PCDH9: variants seen among roughly 807,000 people sequenced by gnomAD.
The protein encoded by PCDH9 is protocadherin 9.
PCDH9 carries 24 observed loss-of-function variants against 70.6 expected under a neutral mutation model. The observed-to-expected ratio is 0.34, with a 90% confidence interval of 0.25 to 0.48. The LOEUF is 0.48. Among genes scored for constraint, PCDH9 ranks in the 20% least tolerant of loss-of-function variants. The pLI, the probability that PCDH9 is intolerant of heterozygous loss-of-function variation, is 0.99. For synonymous variants in PCDH9, 562 were observed against 558.5 expected, an observed-to-expected ratio of 1.01 and a Z score of -0.09; for missense variants, 1,281 against 1,503.6, an observed-to-expected ratio of 0.85 and a Z score of 2.45.
At chr13:67,216,620 T>C (rs2089607628) in intron 2 of PCDH9, 1 of 145,974 alleles carries the variant, frequency 6.9e-6, no homozygotes, top group African/African-American at 2.5e-5. Flanking sequence ...ATGAATTTAC[T>C]ATTTCTAGCA....
At chr13:66,500,650 A>T (rs1491000525) in intron 4 of PCDH9, among the ~76,000 whole-genome samples, 1 of 152,246 alleles carries the variant, frequency 6.6e-6, no homozygotes, top group East Asian at 1.9e-4. Context: ...TATTATGAAA[A>T]TTATAACTTT....
chr13:66,754,368 A>G (rs2079508324), intron 3 of PCDH9, among the ~76,000 whole-genome samples: 1 of 152,186 alleles, frequency 6.6e-6, no homozygotes, highest in Non-Finnish European at 1.5e-5. Context: ...CCAGAATTTA[A>G]AGTATAACAA....
chr13:66,715,443 T>A (rs976967098), intron 3 of PCDH9, among the ~76,000 whole-genome samples: 1 of 152,120 alleles, frequency 6.6e-6, no homozygotes, highest in Non-Finnish European at 1.5e-5. Context: ...CATGCAATAA[T>A]GAGATATTTG....
chr13:66,740,710 C>A (rs200160748), intron 3 of PCDH9, among the ~76,000 whole-genome samples: 42,350 of 151,720 alleles, frequency 0.28, 6,419 homozygotes, highest in East Asian at 0.44. Context: ...ATACTACAAA[C>A]AACTCTATGC....
At chr13:66,686,648 T>C (rs944320855) in intron 3 of PCDH9, among the ~76,000 whole-genome samples, 1 of 152,186 alleles carries the variant, frequency 6.6e-6, no homozygotes, top group Admixed American at 6.5e-5. Context: ...TAAAAGTGTA[T>C]AATATTAGTC....
chr13:66,759,552 T>C (rs982377756), intron 3 of PCDH9, among the ~76,000 whole-genome samples: 3 of 152,110 alleles, frequency 2.0e-5, no homozygotes, highest in Non-Finnish European at 2.9e-5. Context: ...ATTTTAGAGA[T>C]CTTTTTTCTT....
chr13:66,901,251 T>C lies in PCDH9; in HGVS notation c.3138+2253A>G, dbSNP rs547372063. Among the ~76,000 whole-genome samples the C allele has an allele frequency of 1.5e-3, 233 of 151,918 alleles. 1 individual carries two copies. The highest frequency in any genetic ancestry group is 4.8e-3 in the South Asian group (23 of 4,826). On this transcript the variant is annotated intron_variant, in intron 3 of 4. Coordinates refer to ENST00000377865, the MANE Select transcript of PCDH9 (RefSeq NM_203487.3). ...AAATGTATTATGATCAAAAACAGTTTAGACTAACCAAGGACAAAATGTGAA... is the reference window on the plus strand; with the variant it reads ...AAATGTATTATGATCAAAAACAGTTCAGACTAACCAAGGACAAAATGTGAA...
intron 2 of PCDH9, among the ~76,000 whole-genome samples, chr13:66,967,147 C>T (rs192290012): frequency 1.6e-3 from 238 of 151,912 alleles, no homozygotes; most frequent in African/African-American, 5.5e-3. Context: ...AGACAGATTC[C>T]AAGTTATGTT....
intron 3 of PCDH9, among the ~76,000 whole-genome samples, chr13:66,780,063 T>C (rs2079973191): frequency 1.3e-5 from 2 of 151,854 alleles, no homozygotes; most frequent in Non-Finnish European, 2.9e-5. Context: ...AAAATTGTAC[T>C]GTGTATGGGA....
intron 4 of PCDH9, among the ~76,000 whole-genome samples, chr13:66,607,740 G>A (rs2077239168): frequency 6.6e-6 from 1 of 152,058 alleles, no homozygotes; most frequent in Admixed American, 6.6e-5. Flanking sequence ...TGTGCAGAGT[G>A]TTGGCTACAG....
chr13:66,928,405 G>T (rs566243267), intron 2 of PCDH9, among the ~76,000 whole-genome samples: 1 of 152,044 alleles, frequency 6.6e-6, no homozygotes, highest in South Asian at 2.1e-4. Context: ...TACACAAGGT[G>T]GATAGTATTA....
chr13:67,065,466 C>G (rs980663536), intron 2 of PCDH9, among the ~76,000 whole-genome samples: 1 of 151,984 alleles, frequency 6.6e-6, no homozygotes, highest in African/African-American at 2.4e-5. Flanking sequence ...TGCAGTAAAA[C>G]CCAGTGAGAT....
At chr13:66,877,404 T>G (rs1361553272) in intron 3 of PCDH9, among the ~76,000 whole-genome samples, 8 of 151,776 alleles carry the variant, frequency 5.3e-5, no homozygotes, top group Non-Finnish European at 1.2e-4. Context: ...TTTGTTATTA[T>G]TTTTTTAAAC....
At chr13:67,083,092 T>C (rs1454333301) in intron 2 of PCDH9, among the ~76,000 whole-genome samples, 2 of 152,122 alleles carry the variant, frequency 1.3e-5, no homozygotes, top group Admixed American at 6.6e-5. Flanking sequence ...TTTCTTCTTC[T>C]AACTGGATAA....
chr13:66,909,619 A>G lies in PCDH9; in HGVS notation c.3037-6014T>C, dbSNP rs994458975. Among the ~76,000 whole-genome samples, 6 of 152,156 alleles carry G rather than the reference A, an allele frequency of 3.9e-5. No individual in the cohort carries two copies. The East Asian group carries it at 9.7e-4, about 25-fold the overall frequency. On this transcript the variant is annotated intron_variant, in intron 2 of 4. Coordinates refer to ENST00000377865, the MANE Select transcript of PCDH9 (RefSeq NM_203487.3). ...CCCATCTCTACTGAAAATACAAAAA[A>G]TTAGCCGGGCGTGGTGGCGGGCGCC...
At chr13:66,796,170 A>C (rs942819120) in intron 3 of PCDH9, among the ~76,000 whole-genome samples, 1 of 152,136 alleles carries the variant, frequency 6.6e-6, no homozygotes, top group African/African-American at 2.4e-5. Flanking sequence ...TATCATCTGC[A>C]GTTGGCTAGC....
intron 3 of PCDH9, among the ~76,000 whole-genome samples, chr13:66,739,282 A>G (rs1056775493): frequency 2.9e-4 from 34 of 116,090 alleles, no homozygotes; most frequent in Non-Finnish European, 5.2e-4. Context: ...TTTACAGACA[A>G]GCAAATGCTG....
rs143393405 is a variant in PCDH9 at position 66,544,447 on chromosome 13, C to T, written c.3340+86763G>A. Among the ~76,000 whole-genome samples, 186 of 152,158 alleles carry T rather than the reference C, an allele frequency of 1.2e-3. 3 individuals carry two copies. Among genetic ancestry groups the T allele is most frequent in the African/African-American group, 4.3e-3 (178 of 41,534 alleles). On this transcript the variant is annotated intron_variant, in intron 4 of 4. Transcript: ENST00000377865. Reference sequence around the variant, plus strand: ...GTGATGCAGGCCAGGCAGGTGAGCCCCCGAATTGGAGCTTAGGCCTTGAGG... The same window carrying T: ...GTGATGCAGGCCAGGCAGGTGAGCCTCCGAATTGGAGCTTAGGCCTTGAGG...
intron 2 of PCDH9, among the ~76,000 whole-genome samples, chr13:67,156,775 C>A (rs979303180): frequency 6.6e-6 from 1 of 152,144 alleles, no homozygotes; most frequent in Non-Finnish European, 1.5e-5. Context: ...CTGTAACACA[C>A]GCCCACTGGG....
Sources: allele counts gnomAD v4.1 joint callset (sites outside exome capture counted in the v4.1 genomes callset), GRCh38; gene constraint gnomAD v4.1.1; transcripts MANE v1.5; gene names NCBI Gene and HGNC (gene_info 2026-07-23, HGNC 2026-07-21).